CNTN6: variants seen among roughly 807,000 people sequenced by gnomAD.
CNTN6 encodes contactin 6.
In CNTN6, 137 loss-of-function variants were observed where a neutral mutation model predicts 122.8. That is an observed-to-expected ratio of 1.12 (90% CI 0.97 to 1.29). The LOEUF is 1.29. CNTN6 is among the 50% of genes most tolerant of loss of function. CNTN6 has a pLI of 0.00. For missense variants in CNTN6, 1,634 were observed against 1,223.4 expected (o/e 1.34, Z -5.01); for synonymous variants, 570 against 426.0 (o/e 1.34, Z -4.16).
chr3:1,250,902 C>T (rs979906200), intron 4 of CNTN6, among the ~76,000 whole-genome samples: 1 of 137,660 alleles, frequency 7.3e-6, no homozygotes, highest in Non-Finnish European at 1.5e-5. Flanking sequence ...GTCGTCCCAT[C>T]TCCTCCGTGC....
intron 2 of CNTN6, among the ~76,000 whole-genome samples, chr3:1,207,770 C>A (rs1175465873): frequency 6.6e-6 from 1 of 152,026 alleles, no homozygotes; most frequent in Non-Finnish European, 1.5e-5. Flanking sequence ...AGTAATCCCA[C>A]AAATAAATGA....
intron 7 of CNTN6, among the ~76,000 whole-genome samples, chr3:1,318,770 T>A (rs1343915913): frequency 6.6e-6 from 1 of 151,738 alleles, no homozygotes; most frequent in African/African-American, 2.4e-5. Context: ...TAATGGCTGC[T>A]CCTGGGGGTA....
intron 1 of CNTN6, among the ~76,000 whole-genome samples, chr3:1,147,643 T>G (rs1054559718): frequency 6.6e-6 from 1 of 152,096 alleles, no homozygotes; most frequent in Non-Finnish European, 1.5e-5. Flanking sequence ...TGCTAGAAAT[T>G]GATTTCTTGC....
At chr3:1,284,728 T>C (rs2125820279) in intron 5 of CNTN6, among the ~76,000 whole-genome samples, 1 of 152,290 alleles carries the variant, frequency 6.6e-6, no homozygotes, top group South Asian at 2.1e-4. Context: ...TGCTATTGTA[T>C]ATTCTAAGGT....
At chr3:1,124,745 C>T (rs1034274278) in intron 1 of CNTN6, among the ~76,000 whole-genome samples, 6 of 151,878 alleles carry the variant, frequency 4.0e-5, no homozygotes, top group Admixed American at 3.3e-4. Context: ...AACATCATCA[C>T]CTGGTTTTAC....
intron 11 of CNTN6, among the ~76,000 whole-genome samples, chr3:1,337,000 A>G (rs1280341274): frequency 6.6e-6 from 1 of 152,142 alleles, no homozygotes; most frequent in African/African-American, 2.4e-5. Context: ...ACAAGATAGA[A>G]GTGCTACTTA....
chr3:1,275,103 C>G (rs1280430419), intron 4 of CNTN6, among the ~76,000 whole-genome samples: 2 of 152,178 alleles, frequency 1.3e-5, no homozygotes, highest in African/African-American at 4.8e-5. Flanking sequence ...AAGGCCGATC[C>G]TTCCATGTGG....
chr3:1,270,430 C>T (rs1254459287), intron 4 of CNTN6, among the ~76,000 whole-genome samples: 1 of 152,148 alleles, frequency 6.6e-6, no homozygotes, highest in Admixed American at 6.5e-5. Context: ...TCTGGGAGTT[C>T]TGTGAGACTT....
intron 7 of CNTN6, among the ~76,000 whole-genome samples, chr3:1,321,031 T>C (rs904120543): frequency 1.3e-5 from 2 of 151,538 alleles, no homozygotes; most frequent in Admixed American, 6.6e-5. Flanking sequence ...AAATGAGTAC[T>C]TTTTTTGAGG....
At chr3:1,178,748 A>G (rs949496430) in intron 2 of CNTN6, among the ~76,000 whole-genome samples, 1 of 152,134 alleles carries the variant, frequency 6.6e-6, no homozygotes, top group Non-Finnish European at 1.5e-5. Flanking sequence ...AGTTTGAGCA[A>G]TGTAGTCAGT....
At chr3:1,303,917 G>A (rs9823418) in intron 7 of CNTN6, among the ~76,000 whole-genome samples, 101,084 of 152,006 alleles carry the variant, frequency 0.67, 36,075 homozygotes, top group East Asian at 1. Flanking sequence ...TGTTCACCAA[G>A]TTTTTCTTCT....
At chr3:1,387,651 C>G (rs985336036) in intron 20 of CNTN6, among the ~76,000 whole-genome samples, 1 of 152,164 alleles carries the variant, frequency 6.6e-6, no homozygotes, top group South Asian at 2.1e-4. Flanking sequence ...TCTGAGGTAC[C>G]CGGTTCATCT....
intron 5 of CNTN6, among the ~76,000 whole-genome samples, chr3:1,288,652 T>C (rs1694763514): frequency 6.6e-6 from 1 of 152,234 alleles, no homozygotes; most frequent in Non-Finnish European, 1.5e-5. Context: ...TGTTCTAAAG[T>C]GCCAATAGAA....
Position 1,298,625 on chromosome 3 carries a change from A to G in CNTN6, c.761+634A>G, listed in dbSNP as rs376157398. On this transcript the variant is annotated intron_variant, in intron 7 of 22. Coordinates refer to ENST00000446702, the MANE Select transcript of CNTN6 (RefSeq NM_001289080.2). Reference sequence around the variant, plus strand: ...ACCCCTCTTTGCTTTTTGGAGGTATACAAATTTCATTTTTGTGCCTATAAA... The same window carrying G: ...ACCCCTCTTTGCTTTTTGGAGGTATGCAAATTTCATTTTTGTGCCTATAAA... Among the ~76,000 whole-genome samples the G allele has an allele frequency of 8.9e-4, 135 of 152,280 alleles. No homozygotes were observed. In the Middle Eastern group the frequency reaches 0.014, roughly 15 times the overall value.
chr3:1,156,160 C>T (rs1035200157), intron 2 of CNTN6, among the ~76,000 whole-genome samples: 9 of 152,182 alleles, frequency 5.9e-5, no homozygotes, highest in Non-Finnish European at 4.4e-5. Flanking sequence ...CCAAGTCTCT[C>T]CTTATATCAT....
chr3:1,122,329 A>G (rs867518334), intron 1 of CNTN6, among the ~76,000 whole-genome samples: 3 of 146,964 alleles, frequency 2.0e-5, no homozygotes, highest in Admixed American at 6.7e-5. Flanking sequence ...GAAAGAAAGA[A>G]GGGAGGGCGA....
intron 1 of CNTN6, among the ~76,000 whole-genome samples, chr3:1,131,848 G>A (rs940805178): frequency 1.4e-4 from 22 of 152,158 alleles, no homozygotes; most frequent in Admixed American, 5.2e-4. Context: ...GTGCCTGCGG[G>A]ATGGAAAGTT....
At chr3:1,245,262 T>TATATATATAATATATATATATATATA (rs1559596515) in intron 4 of CNTN6, among the ~76,000 whole-genome samples, 1 of 5,744 alleles carries the variant, frequency 1.7e-4, no homozygotes, top group Non-Finnish European at 3.2e-4. Context: ...ATATAACATA[T>TATATATATAATATATATATATATATA]ATATATATAT....
intron 11 of CNTN6, among the ~76,000 whole-genome samples, chr3:1,345,363 A>G (rs1458447608): frequency 6.6e-6 from 1 of 151,910 alleles, no homozygotes; most frequent in African/African-American, 2.4e-5. Context: ...TGATTCACCC[A>G]CCCTGGCCTC....
Sources: gnomAD v4.1 joint callset for allele counts (sites outside exome capture counted in the v4.1 genomes callset) on GRCh38, gnomAD v4.1.1 for gene constraint, MANE v1.5 for transcripts, NCBI Gene and HGNC (gene_info 2026-07-23, HGNC 2026-07-21) for gene names.